Variants in AHI1 observed in about 807,000 individuals in gnomAD.
AHI1 encodes Abelson helper integration site 1.
Under a neutral mutation model 149.3 loss-of-function variants are expected in AHI1, and 123 were observed. That is an observed-to-expected ratio of 0.82 (90% CI 0.71 to 0.96). The LOEUF (loss-of-function observed/expected upper bound fraction) is 0.96. Ranked by LOEUF, AHI1 falls within the 40% of genes least tolerant of loss-of-function variation. AHI1 has a pLI of 0.00. For missense variants in AHI1, 1,439 were observed against 1,422.7 expected, an observed-to-expected ratio of 1.01 and a Z score of -0.18; for synonymous variants, 475 against 459.8, an observed-to-expected ratio of 1.03 and a Z score of -0.42.
At chr6:135,335,097 G>A (rs1261786221) in intron 24 of AHI1, among the ~76,000 whole-genome samples, 1 of 152,176 alleles carries the variant, frequency 6.6e-6, no homozygotes, top group East Asian at 1.9e-4. Flanking sequence ...ATCTTAGAAT[G>A]TTACTGGCCA....
At chr6:135,311,745 T>C (rs1004298554) in intron 26 of AHI1, among the ~76,000 whole-genome samples, 3 of 152,258 alleles carry the variant, frequency 2.0e-5, no homozygotes, top group African/African-American at 4.8e-5. Flanking sequence ...CTCTCCTTCC[T>C]GATAATACTT....
chr6:135,359,813 T>C lies in AHI1; in HGVS notation c.3110-1626A>G, dbSNP rs541403148. Among the ~76,000 whole-genome samples, 7 of 152,244 alleles carry C rather than the reference T, an allele frequency of 4.6e-5. No individual in the cohort carries two copies. In the South Asian group the frequency reaches 8.3e-4, roughly 18 times the overall value. On this transcript the variant is annotated intron_variant, in intron 23 of 28. Coordinates refer to ENST00000265602, the MANE Select transcript of AHI1 (RefSeq NM_001134831.2). ...TTATCTAAACAGAAAGTAATTTTAA[T>C]TGGAGAAAAGGAACTTTAAAATAAT...
chr6:135,492,729 CCT>C (rs146410368), intron 3 of AHI1: 7 of 985,328 alleles, frequency 7.1e-6, no homozygotes, highest in African/African-American at 1.7e-5. Flanking sequence ...AATTTAAATA[CCT>C]CTGTGTCTGC....
At chr6:135,474,330 C>T (rs1479398641) in intron 5 of AHI1, among the ~76,000 whole-genome samples, 1 of 152,104 alleles carries the variant, frequency 6.6e-6, no homozygotes, top group Non-Finnish European at 1.5e-5. Flanking sequence ...GTAAAAATTG[C>T]ATTACCGCAT....
chr6:135,302,223 A>G (rs1783967938), intron 26 of AHI1: 11 of 985,420 alleles, frequency 1.1e-5, no homozygotes, highest in Non-Finnish European at 1.2e-5. Flanking sequence ...ACTTACCATC[A>G]ATATAGGTAT....
chr6:135,311,172 C>T (rs1396477542), intron 26 of AHI1, among the ~76,000 whole-genome samples: 2 of 151,564 alleles, frequency 1.3e-5, no homozygotes, highest in African/African-American at 4.9e-5. Context: ...CATGGTGGCC[C>T]ACATCTGTAG....
intron 5 of AHI1, among the ~76,000 whole-genome samples, chr6:135,474,784 G>T (rs762029941): frequency 5.3e-5 from 8 of 152,156 alleles, no homozygotes; most frequent in Non-Finnish European, 1.2e-4. Context: ...AGCTAGACAT[G>T]GGGTATTATC....
At chr6:135,459,401 A>G (rs1405757701) in intron 8 of AHI1, among the ~76,000 whole-genome samples, 3 of 152,190 alleles carry the variant, frequency 2.0e-5, no homozygotes, top group Non-Finnish European at 4.4e-5. Flanking sequence ...TGCATATAAA[A>G]GAAGACTGAA....
intron 24 of AHI1, among the ~76,000 whole-genome samples, chr6:135,351,397 T>C (rs962635508): frequency 1.3e-5 from 2 of 152,228 alleles, no homozygotes; most frequent in African/African-American, 4.8e-5. Flanking sequence ...CCTATTTGCA[T>C]AAACTCATTC....
At chr6:135,338,391 A>T (rs909543242) in intron 24 of AHI1, among the ~76,000 whole-genome samples, 2 of 152,158 alleles carry the variant, frequency 1.3e-5, no homozygotes, top group Non-Finnish European at 2.9e-5. Context: ...ATACATAAGG[A>T]AATGTAGACA....
In AHI1 at chr6:135,369,149, A is replaced by G. The variant is rs368005763; in HGVS notation, c.3110-10962T>C. Among the ~76,000 whole-genome samples, 12 of 152,290 alleles carry G rather than the reference A, an allele frequency of 7.9e-5. 1 individual carries two copies. Among genetic ancestry groups the G allele is most frequent in the East Asian group, 1.9e-4 (1 of 5,184 alleles). On this transcript the variant is annotated intron_variant, in intron 23 of 28. Transcript: ENST00000265602. ...TCACTCGGCTCTCTAAATTTGTCTC[A>G]GCTCCAGGTAAGGTCAAATCCTTTT...
rs954920108 is a variant in AHI1, at chr6:135,497,718, C to G, written c.-337G>C. On this transcript the variant is annotated 5_prime_UTR_variant, in exon 1 of 29. Coordinates refer to ENST00000265602, the MANE Select transcript of AHI1 (RefSeq NM_001134831.2). ...ACCTAACCCGCCAGCGACCCGTGTC[C>G]TGAAAGCAAGCCGCGGCTCTGTGCC... The G allele has an allele frequency of 1.2e-5, 2 of 171,724 alleles. No individual in the cohort carries two copies. Among genetic ancestry groups the G allele is most frequent in the African/African-American group, 4.8e-5 (2 of 41,580 alleles). The allele number at this position is 171,724 out of a possible 1,614,324, so 10.6% of individuals were successfully genotyped here. A position where few individuals can be genotyped will look rare whatever the true frequency, so the allele number is the denominator to read the frequency against.
chr6:135,318,329 C>T (rs186292274), intron 26 of AHI1, 190 bp downstream of exon 26: 2 of 531,080 alleles, frequency 3.8e-6, no homozygotes, highest in East Asian at 6.5e-5. Flanking sequence ...CTCTCTGGGC[C>T]TCCTCAGTTT....
At position 135,340,669 on chromosome 6, in the gene AHI1, A is replaced by ATATATATATG. The variant is rs1554283239; in HGVS notation, c.3166-17346_3166-17345insCATATATATA. Among the ~76,000 whole-genome samples the ATATATATATG allele has an allele frequency of 7.6e-5, 9 of 119,180 alleles. No individual in the cohort carries two copies. The East Asian group carries it at 1.3e-3, about 17-fold the overall frequency. 78.2% of individuals were successfully genotyped at this position (119,180 alleles called of 152,430 possible). A position where few individuals can be genotyped will look rare whatever the true frequency, so the allele number is the denominator to read the frequency against. ...TATATACATACATACATATATATAT[A>ATATATATATG]TATATATATATATATATATATATAT... On this transcript the variant is annotated intron_variant, in intron 24 of 28. Transcript: ENST00000265602.
chr6:135,458,951 G>A (rs1465873512), intron 8 of AHI1, among the ~76,000 whole-genome samples: 2 of 152,146 alleles, frequency 1.3e-5, no homozygotes, highest in East Asian at 1.9e-4. Flanking sequence ...ACTGAAAATC[G>A]GAATGGAAAT....
At chr6:135,334,384 C>A (rs1789056443) in intron 24 of AHI1, among the ~76,000 whole-genome samples, 2 of 152,102 alleles carry the variant, frequency 1.3e-5, no homozygotes, top group African/African-American at 4.8e-5. Flanking sequence ...CATCTATGAA[C>A]CAGGAAATGA....
intron 20 of AHI1, among the ~76,000 whole-genome samples, chr6:135,423,245 C>A (rs1429524668): frequency 6.6e-6 from 1 of 152,100 alleles, no homozygotes. Flanking sequence ...CCCAAATTTA[C>A]TGATGATGCC....
intron 19 of AHI1, among the ~76,000 whole-genome samples, chr6:135,428,241 C>T (rs923177719): frequency 4.6e-5 from 7 of 151,516 alleles, no homozygotes; most frequent in Non-Finnish European, 1.0e-4. Flanking sequence ...GGTATGTTTC[C>T]GTTACTAATG....
chr6:135,410,900 T>C (rs1048176946), intron 21 of AHI1, among the ~76,000 whole-genome samples: 2 of 152,212 alleles, frequency 1.3e-5, no homozygotes, highest in African/African-American at 4.8e-5. Context: ...TGGAGTGCAG[T>C]GGCAGGATCT....
Sources: allele counts gnomAD v4.1 joint callset (sites outside exome capture counted in the v4.1 genomes callset), GRCh38; gene constraint gnomAD v4.1.1; transcripts MANE v1.5; gene names NCBI Gene and HGNC (gene_info 2026-07-23, HGNC 2026-07-21).